TGIF1: variants seen among roughly 807,000 people sequenced by gnomAD.
The protein encoded by TGIF1 is homeobox protein TGIF1.
A neutral mutation model predicts 19.3 loss-of-function variants in TGIF1; 4 were observed. The observed-to-expected ratio is 0.21, with a 90% CI of 0.10 to 0.47. The LOEUF (loss-of-function observed/expected upper bound fraction) is 0.47, where lower values mean the gene tolerates loss of function less well. Among genes scored for constraint, TGIF1 ranks in the 20% least tolerant of loss-of-function variants. The pLI, the probability that TGIF1 is intolerant of heterozygous loss-of-function variation, is 0.98. For synonymous variants in TGIF1, 122 were observed against 129.3 expected (o/e 0.94, Z 0.38); for missense variants, 275 against 341.4 (o/e 0.81, Z 1.53).
rs34622075 is a variant in TGIF1, at chr18:3,458,204, ATT to A, written c.*273_*274del. 7 of 405,214 alleles carry A rather than the reference ATT, an allele frequency of 1.7e-5. No individual in the cohort carries two copies. Among genetic ancestry groups the A allele is most frequent in the Non-Finnish European group, 2.6e-5 (6 of 227,368 alleles). The allele number at this position is 405,214 out of a possible 1,614,324, so 25.1% of individuals were successfully genotyped here. A position where few individuals can be genotyped will look rare whatever the true frequency, so the allele number is the denominator to read the frequency against. ...GTGAGATGGTTCCCAATATCATGTG[ATT>A]TTTTTTTTCCTCCCCTTCCCTTTTT... On this transcript the variant is annotated 3_prime_UTR_variant, in exon 3 of 3. Transcript: ENST00000343820.
Position 3,458,996 on chromosome 18 carries a change from G to A in TGIF1, c.*1056G>A, listed in dbSNP as rs1223831019. On this transcript the variant is annotated 3_prime_UTR_variant, in exon 3 of 3. Coordinates refer to ENST00000343820, the MANE Select transcript of TGIF1 (RefSeq NM_003244.4). ...GTTTATTAGGTGAGTATTTTCCAAGGTCTCAGTTTGTGAAAAAATGGTGCT... is the reference window on the plus strand; with the variant it reads ...GTTTATTAGGTGAGTATTTTCCAAGATCTCAGTTTGTGAAAAAATGGTGCT... 1 of 152,158 alleles carries A rather than the reference G, an allele frequency of 6.6e-6. No homozygotes were observed. Among genetic ancestry groups the A allele is most frequent in the Non-Finnish European group, 1.5e-5 (1 of 68,028 alleles). 9.4% of individuals were successfully genotyped at this position (152,158 alleles called of 1,614,324 possible). A position where few individuals can be genotyped will look rare whatever the true frequency, so the allele number is the denominator to read the frequency against.
intron 1 of TGIF1, chr18:3,415,452 C>T (rs1340316722): frequency 1.0e-5 from 5 of 495,382 alleles, no homozygotes; most frequent in Non-Finnish European, 1.6e-5. Flanking sequence ...CAAAATTAAA[C>T]CACATCCTCA....
At chr18:3,422,905 G>T (rs2082424887) in intron 2 of TGIF1, among the ~76,000 whole-genome samples, 1 of 151,954 alleles carries the variant, frequency 6.6e-6, no homozygotes, top group African/African-American at 2.4e-5. Flanking sequence ...TATCCAGGAT[G>T]GTCTCTATCT....
At chr18:3,438,925 A>G (rs1354346017) in intron 2 of TGIF1, among the ~76,000 whole-genome samples, 3 of 152,240 alleles carry the variant, frequency 2.0e-5, no homozygotes, top group African/African-American at 7.2e-5. Flanking sequence ...CTCTCTGACA[A>G]GAAGAAATTG....
exon 2 of TGIF1, chr18:3,418,210 T>G (rs888282109): frequency 6.6e-6 from 1 of 152,122 alleles, no homozygotes; most frequent in Admixed American, 6.6e-5. Flanking sequence ...CAAGGGAAAG[T>G]CCAAGGTAAG....
At chr18:3,445,771 A>G, upstream of TGIF1, among the ~76,000 whole-genome samples, 1 of 138,050 alleles carries the variant, frequency 7.2e-6, no homozygotes, top group Non-Finnish European at 1.6e-5. Flanking sequence ...AAAGCAAAAA[A>G]AAAAAAAAAA....
At chr18:3,418,910 T>C (rs2082366060) in intron 2 of TGIF1, 1 of 152,024 alleles carries the variant, frequency 6.6e-6, no homozygotes, top group Non-Finnish European at 1.5e-5. Context: ...ATACAACAAT[T>C]AGATGGGCGT....
chr18:3,427,188 C>T (rs1250217540), intron 2 of TGIF1, among the ~76,000 whole-genome samples: 5 of 152,186 alleles, frequency 3.3e-5, no homozygotes, highest in African/African-American at 7.2e-5. Flanking sequence ...AGGCAATCCA[C>T]CCGCCTCGGC....
intron 2 of TGIF1, among the ~76,000 whole-genome samples, chr18:3,438,283 C>T (rs966411019): frequency 6.6e-6 from 1 of 151,698 alleles, no homozygotes; most frequent in Non-Finnish European, 1.5e-5. Flanking sequence ...TCTCGTGAAG[C>T]AAAAAATATT....
In TGIF1 at chr18:3,452,353, C is replaced by A. The variant is rs780589673; in HGVS notation, c.16+1848C>A. 6.2e-6 allele frequency: 10 copies of A among 1,613,234 alleles called. No individual in the cohort carries two copies. The Admixed American group carries it at 1.3e-4, about 22-fold the overall frequency. On this transcript the variant is annotated intron_variant, in intron 1 of 2. Coordinates refer to ENST00000343820, the MANE Select transcript of TGIF1 (RefSeq NM_003244.4). ...TCCCAGGGCGCACAGGGTCCAGCTCCTCGGCGCCGACTCCTGGAAACAATG... is the reference window on the plus strand; with the variant it reads ...TCCCAGGGCGCACAGGGTCCAGCTCATCGGCGCCGACTCCTGGAAACAATG...
chr18:3,445,932 T>C (rs2082739840), upstream of TGIF1, among the ~76,000 whole-genome samples: 2 of 151,984 alleles, frequency 1.3e-5, no homozygotes, highest in South Asian at 4.1e-4. Flanking sequence ...CCTTCTGAAA[T>C]GACAAGATTT....
At chr18:3,428,136 G>T (rs1357218692) in intron 2 of TGIF1, among the ~76,000 whole-genome samples, 1 of 152,200 alleles carries the variant, frequency 6.6e-6, no homozygotes, top group African/African-American at 2.4e-5. Context: ...CAAGGCCATG[G>T]CAAGCTCTCT....
intron 2 of TGIF1, among the ~76,000 whole-genome samples, chr18:3,431,686 T>C (rs2082549288): frequency 6.6e-6 from 1 of 152,032 alleles, no homozygotes; most frequent in African/African-American, 2.4e-5. Context: ...ATCTATCTTG[T>C]TTCAAAATAG....
upstream of TGIF1, among the ~76,000 whole-genome samples, chr18:3,445,529 C>G (rs1418834537): frequency 2.0e-5 from 3 of 151,164 alleles, no homozygotes; most frequent in Non-Finnish European, 4.4e-5. Flanking sequence ...TCGAGACCAT[C>G]CTGGCTAACA....
chr18:3,450,564 C>A, intron 1 of TGIF1, 59 bp downstream of exon 1: 1 of 1,549,972 alleles, frequency 6.5e-7, no homozygotes, highest in Middle Eastern at 1.8e-4. Context: ...ACGTGCTGGC[C>A]GGGCCGCGCC....
chr18:3,446,811 G>C (rs147930221), upstream of TGIF1, among the ~76,000 whole-genome samples: 197 of 152,296 alleles, frequency 1.3e-3, 2 homozygotes, highest in African/African-American at 4.3e-3. Context: ...TTAGAGCCTA[G>C]CTGTCTGCAT....
In TGIF1 at chr18:3,427,823, C is replaced by T. The variant is rs562307608; in HGVS notation, c.-45+9608C>T. Reference sequence around the variant, plus strand: ...ACATGTTGGCCAGGATGGTCTCGAACTCTTGACTGCAGGTGATCCGCCTGC... The same window carrying T: ...ACATGTTGGCCAGGATGGTCTCGAATTCTTGACTGCAGGTGATCCGCCTGC... On this transcript the variant is annotated intron_variant, in intron 2 of 3. Transcript: ENST00000401449. 2.3e-3 allele frequency among the ~76,000 whole-genome samples: 356 copies of T among 152,288 alleles called. 1 individual carries two copies. The highest frequency in any genetic ancestry group is 4.1e-3 in the Non-Finnish European group (276 of 68,022).
At chr18:3,448,715 GTCTTTT>G (rs760537591), upstream of TGIF1, 41,160 of 431,332 alleles carry the variant, frequency 0.095, 1,518 homozygotes, top group South Asian at 0.12. Context: ...GGGCGGGGGT[GTCTTTT>G]TTTTTTTTTT....
At chr18:3,415,183 T>G (rs969276020) in intron 1 of TGIF1, 2 of 190,732 alleles carry the variant, frequency 1.0e-5, no homozygotes, top group African/African-American at 4.6e-5. Flanking sequence ...CGGAGCTCAT[T>G]GCTCTCATCC....
Sources: allele counts gnomAD v4.1 joint callset (sites outside exome capture counted in the v4.1 genomes callset), GRCh38; gene constraint gnomAD v4.1.1; transcripts MANE v1.5; gene names NCBI Gene and HGNC (gene_info 2026-07-23, HGNC 2026-07-21).